The following TDRD15 variants were observed in gnomAD, a reference collection of about 807,000 sequenced individuals.
TDRD15 encodes the protein tudor domain-containing protein 15.
For synonymous variants in TDRD15, 503 were observed against 314.5 expected, an observed-to-expected ratio of 1.60 and a Z score of -6.34; for missense variants, 1,416 against 904.7, an observed-to-expected ratio of 1.57 and a Z score of -7.25.
In TDRD15 at chr2:21,142,686, C is replaced by T. The variant is rs746682979; in HGVS notation, c.5219C>T (p.Thr1740Ile). The T allele has an allele frequency of 2.8e-6, 2 of 709,822 alleles. No homozygotes were observed. The highest frequency in any genetic ancestry group is 2.6e-6 in the Non-Finnish European group (1 of 382,098). The allele number at this position is 709,822 out of a possible 1,614,324, so 44.0% of individuals were successfully genotyped here. A position where few individuals can be genotyped will look rare whatever the true frequency, so the allele number is the denominator to read the frequency against. The change falls in exon 4 of 4, where the codon ACT (threonine) becomes ATT (isoleucine). Residue 1740 changes from threonine to isoleucine, a missense_variant. Physicochemically the swap from Thr to Ile is moderately conservative, Grantham distance 89 (BLOSUM62 -1). Coordinates refer to ENST00000405799, the MANE Select transcript of TDRD15 (RefSeq NM_001306137.2). ...QNDRQYSGIA[T>I]AVSDPSDFSI... Reference sequence around the variant, plus strand: ...GATAGGCAGTATTCTGGTATTGCAACTGCTGTTTCTGATCCATCAGACTTC... The same window carrying T: ...GATAGGCAGTATTCTGGTATTGCAATTGCTGTTTCTGATCCATCAGACTTC...
rs1364254907 is a variant in TDRD15, at chr2:21,142,033, A to C, written c.4566A>C (p.Glu1522Asp). Reference protein sequence around the residue: ...NQQLFKIPLEEFKLGQLEKAE... With the variant: ...NQQLFKIPLEDFKLGQLEKAE... ...AGCTGTTTAAAATTCCTTTGGAAGA[A>C]TTCAAACTTGGACAACTTGAAAAAG... The change falls in exon 4 of 4, where the codon GAA (glutamate) becomes GAC (aspartate). Residue 1522 changes from glutamate to aspartate, a missense_variant. Transcript: ENST00000405799. 4.3e-6 allele frequency: 3 copies of C among 701,006 alleles called. No individual in the cohort carries two copies. The highest frequency in any genetic ancestry group is 7.9e-6 in the Non-Finnish European group (3 of 380,352). The allele number at this position is 701,006 out of a possible 1,614,324, so 43.4% of individuals were successfully genotyped here.
Position 21,141,200 on chromosome 2 carries a change from A to G in TDRD15, c.3733A>G (p.Ile1245Val). 1 of 714,736 alleles carries G rather than the reference A, an allele frequency of 1.4e-6. No individual in the cohort carries two copies. The highest frequency in any genetic ancestry group is 2.6e-6 in the Non-Finnish European group (1 of 383,692). 44.3% of individuals were successfully genotyped at this position (714,736 alleles called of 1,614,324 possible). The part of the protein sequence containing the change: ...GIKIVPGAAH[I>V]LENRRVGQKS... ...AAAAATTGTCCCTGGAGCTGCACAT[A>G]TTCTTGAGAACAGGCGTGTGGGCCA... The change falls in exon 4 of 4, where the codon ATT (isoleucine) becomes GTT (valine). Residue 1245 changes from isoleucine (I) to valine (V), a missense_variant. Coordinates refer to ENST00000405799, the MANE Select transcript of TDRD15 (RefSeq NM_001306137.2).
At chr2:21,129,422 G>A (rs565401125) in intron 2 of TDRD15, among the ~76,000 whole-genome samples, 2 of 152,282 alleles carry the variant, frequency 1.3e-5, no homozygotes, top group East Asian at 1.9e-4. Context: ...GTCTGAAGTG[G>A]CATTTCATTG....
intron 3 of TDRD15, among the ~76,000 whole-genome samples, chr2:21,135,783 C>T (rs1665796479): frequency 1.3e-5 from 2 of 151,962 alleles, no homozygotes; most frequent in African/African-American, 4.8e-5. Context: ...AAGTGAGAGC[C>T]ATGTATAAAC....
In TDRD15 at chr2:21,141,932, A is replaced by C. The variant is rs1665942163; in HGVS notation, c.4465A>C (p.Lys1489Gln). 1 of 714,582 alleles carries C rather than the reference A, an allele frequency of 1.4e-6. No homozygotes were observed. Among genetic ancestry groups the C allele is most frequent in the South Asian group, 1.5e-5 (1 of 67,330 alleles). 44.3% of individuals were successfully genotyped at this position (714,582 alleles called of 1,614,324 possible). ...GCAGATGCCTCAGGTTCTCTCTCAA[A>C]AGGTGAGGCCAGGTGATAATGAAAT... ...ALQMPQVLSQ[K>Q]VRPGDNEMKK... Residue 1489 changes from lysine (K) to glutamine (Q), a missense_variant, in exon 4 of 4, where the codon AAG (lysine) becomes CAG (glutamine). Transcript: ENST00000405799.
At chr2:21,130,071 A>G (rs1382861821) in intron 2 of TDRD15, among the ~76,000 whole-genome samples, 1 of 152,192 alleles carries the variant, frequency 6.6e-6, no homozygotes, top group Non-Finnish European at 1.5e-5. Context: ...ATTCATAAGG[A>G]CAGTACCCTC....
Position 21,140,444 on chromosome 2 carries a change from A to G in TDRD15, c.2977A>G (p.Met993Val). ...TGGCAGAAATAATAAAGATCTAGAG[A>G]TGATAGAAACAAAAATCACAGAGAG... Reference protein sequence around the residue: ...QLGRNNKDLEMIETKITESVN... With the variant: ...QLGRNNKDLEVIETKITESVN... Residue 993 changes from methionine (M) to valine (V), a missense_variant, in exon 4 of 4, where the codon ATG becomes GTG. Met to Val is a conservative substitution (Grantham distance 21). Transcript: ENST00000405799. 1 of 700,904 alleles carries G rather than the reference A, an allele frequency of 1.4e-6. No individual in the cohort carries two copies. The highest frequency in any genetic ancestry group is 2.6e-6 in the Non-Finnish European group (1 of 380,062). The allele number at this position is 700,904 out of a possible 1,614,324, so 43.4% of individuals were successfully genotyped here.
At chr2:21,126,820 G>A (rs914604633) in intron 1 of TDRD15, among the ~76,000 whole-genome samples, 3 of 152,146 alleles carry the variant, frequency 2.0e-5, no homozygotes, top group African/African-American at 7.2e-5. Context: ...TTTATCTTGA[G>A]TAAATACTCG....
chr2:21,125,475 T>A (rs958417413), intron 1 of TDRD15, among the ~76,000 whole-genome samples: 2 of 149,928 alleles, frequency 1.3e-5, no homozygotes, highest in African/African-American at 4.9e-5. Flanking sequence ...TAATGCCAAG[T>A]TGTGTGTGAG....
In TDRD15 at chr2:21,141,354, A is replaced by G. The variant is rs780143980; in HGVS notation, c.3887A>G (p.Lys1296Arg). Residue 1296 changes from lysine to arginine, a missense_variant, in exon 4 of 4, where the codon AAA becomes AGA. By Grantham distance (26) the Lys-to-Arg change is conservative (BLOSUM62 2). Coordinates refer to ENST00000405799, the MANE Select transcript of TDRD15 (RefSeq NM_001306137.2). ...LPQPQIYLNA[K>R]VKGYVSNISN... ...CAACCGCAAATTTATTTGAATGCCA[A>G]AGTTAAAGGGTATGTATCTAATATC... 1.4e-6 allele frequency: 1 copy of G among 715,848 alleles called. No homozygotes were observed. Among genetic ancestry groups the G allele is most frequent in the South Asian group, 1.5e-5 (1 of 67,512 alleles). 44.3% of individuals were successfully genotyped at this position (715,848 alleles called of 1,614,324 possible). A position where few individuals can be genotyped will look rare whatever the true frequency, so the allele number is the denominator to read the frequency against.
chr2:21,142,051 T>C lies in TDRD15; in HGVS notation c.4584T>C (p.Leu1528=). ...TGGAAGAATTCAAACTTGGACAACTTGAAAAAGCTGAAATGCTTAATGTTT... is the reference window on the plus strand; with the variant it reads ...TGGAAGAATTCAAACTTGGACAACTCGAAAAAGCTGAAATGCTTAATGTTT... ...IPLEEFKLGQ[L]EKAEMLNVSK... is the part of the protein sequence containing the mutation. The change falls in exon 4 of 4, where the codon CTT becomes CTC. Residue 1528 remains leucine (L), a synonymous_variant. Transcript: ENST00000405799. 1.4e-6 allele frequency: 1 copy of C among 699,750 alleles called. No individual in the cohort carries two copies. The highest frequency in any genetic ancestry group is 2.2e-5 in the Admixed American group (1 of 45,436). 43.3% of individuals were successfully genotyped at this position (699,750 alleles called of 1,614,324 possible). A position where few individuals can be genotyped will look rare whatever the true frequency, so the allele number is the denominator to read the frequency against.
chr2:21,131,956 A>G (rs1665725619), intron 2 of TDRD15, among the ~76,000 whole-genome samples: 1 of 152,022 alleles, frequency 6.6e-6, no homozygotes, highest in Non-Finnish European at 1.5e-5. Context: ...TTTGGTAGAG[A>G]GGGTAGGGAG....
Position 21,139,614 on chromosome 2 carries a change from A to C in TDRD15, c.2147A>C (p.Asn716Thr), listed in dbSNP as rs748937188. 7.0e-6 allele frequency: 5 copies of C among 715,394 alleles called. No homozygotes were observed. The South Asian group carries it at 7.4e-5, about 11-fold the overall frequency. 44.3% of individuals were successfully genotyped at this position (715,394 alleles called of 1,614,324 possible). The part of the protein sequence containing the change: ...KKYHSNNLVE[N>T]NLSLPKSLAV... ...TACCATTCAAATAACCTGGTGGAAA[A>C]TAACTTGTCTTTGCCAAAGTCCCTA... The change falls in exon 4 of 4, where the codon AAT (asparagine) becomes ACT (threonine). Residue 716 changes from asparagine to threonine, a missense_variant. Coordinates refer to ENST00000405799, the MANE Select transcript of TDRD15 (RefSeq NM_001306137.2).
chr2:21,138,096 A>G lies in TDRD15; in HGVS notation c.629A>G (p.His210Arg), dbSNP rs956760032. 7.0e-6 allele frequency: 5 copies of G among 716,242 alleles called. No homozygotes were observed. In the African/African-American group the frequency reaches 7.0e-5, roughly 10 times the overall value. 44.4% of individuals were successfully genotyped at this position (716,242 alleles called of 1,614,324 possible). A position where few individuals can be genotyped will look rare whatever the true frequency, so the allele number is the denominator to read the frequency against. ...CAACAAATGCCAGATTTATTACAAC[A>G]TAAAAGGCCTGAATTGTCATTAGGT... ...FPQQMPDLLQ[H>R]KRPELSLGNK... Residue 210 changes from histidine (H) to arginine (R), a missense_variant, in exon 4 of 4, where the codon CAT becomes CGT. By Grantham distance (29) the His-to-Arg change is conservative. Transcript: ENST00000405799.
chr2:21,124,880 A>AGT, intron 1 of TDRD15, among the ~76,000 whole-genome samples: 1 of 146,798 alleles, frequency 6.8e-6, no homozygotes, highest in South Asian at 2.2e-4. Flanking sequence ...TGTATGTGAG[A>AGT]AACCCTAATG....
At chr2:21,146,814 C>T (rs538725259), downstream of TDRD15, among the ~76,000 whole-genome samples, 6 of 152,142 alleles carry the variant, frequency 3.9e-5, no homozygotes, top group African/African-American at 1.4e-4. Flanking sequence ...TGTCAGACTG[C>T]GTCTTGAGAA....
chr2:21,143,791 A>G lies in TDRD15; in HGVS notation c.*519A>G, dbSNP rs1302839723. Among the ~76,000 whole-genome samples the G allele has an allele frequency of 6.6e-6, 1 of 151,746 alleles. No homozygotes were observed. Among genetic ancestry groups the G allele is most frequent in the African/African-American group, 2.4e-5 (1 of 41,408 alleles). ...CAAATTGAAAATATGTTGCAGGAAA[A>G]CTTACTAGAAAATCTGGATAAACGG... On this transcript the variant is annotated 3_prime_UTR_variant, in exon 4 of 4. Transcript: ENST00000405799.
intron 3 of TDRD15, among the ~76,000 whole-genome samples, chr2:21,135,411 A>AT (rs1004105684): frequency 6.6e-6 from 1 of 151,350 alleles, no homozygotes; most frequent in African/African-American, 2.4e-5. Flanking sequence ...CTGATGAAGA[A>AT]TTTTTTTTCA....
chr2:21,139,491 C>G lies in TDRD15; in HGVS notation c.2024C>G (p.Ser675Cys). The G allele has an allele frequency of 1.4e-6, 1 of 701,690 alleles. No homozygotes were observed. The highest frequency in any genetic ancestry group is 2.6e-6 in the Non-Finnish European group (1 of 380,556). 43.5% of individuals were successfully genotyped at this position (701,690 alleles called of 1,614,324 possible). A position where few individuals can be genotyped will look rare whatever the true frequency, so the allele number is the denominator to read the frequency against. ...GTAGAACTAGAATATTTTCCAAAAT[C>G]TGTAAGTGAATATTCAATGCTAAAT... ...FQVELEYFPK[S>C]VSEYSMLNSE... Residue 675 changes from serine to cysteine, a missense_variant, in exon 4 of 4, where the codon TCT becomes TGT. By Grantham distance (112) the Ser-to-Cys change is moderately radical. Transcript: ENST00000405799.
Sources: gnomAD v4.1 joint callset for allele counts (sites outside exome capture counted in the v4.1 genomes callset) on GRCh38, gnomAD v4.1.1 for gene constraint, MANE v1.5 for transcripts, NCBI Gene and HGNC (gene_info 2026-07-23, HGNC 2026-07-21) for gene names.